Variants in MAU2 observed in about 807,000 individuals in gnomAD.
MAU2 encodes the protein MAU2 sister chromatid cohesion factor.
MAU2 carries 9 observed loss-of-function variants against 89.1 expected under a neutral mutation model. The ratio of observed to expected loss-of-function variants is 0.10; its 90% CI spans 0.06 to 0.18. The LOEUF (loss-of-function observed/expected upper bound fraction) is 0.18, where lower values mean the gene tolerates loss of function less well. Ranked by LOEUF, MAU2 falls within the 10% of genes least tolerant of loss-of-function variation. The probability of loss-of-function intolerance (pLI) is 1.00; values close to 1 mark genes in which losing one functional copy is unlikely to be tolerated. For synonymous variants in MAU2, 357 were observed against 343.4 expected, an observed-to-expected ratio of 1.04 and a Z score of -0.44; for missense variants, 425 against 803.5, an observed-to-expected ratio of 0.53 and a Z score of 5.69.
Position 19,320,898 on chromosome 19 carries a change from G to A in MAU2, c.39G>A (p.Ala13=). ...CGGCGGCAGCGGCCCAGGCGGCGGC[G>A]GCCCAGGCTGCGCAGGCCGAGGCGG... ...AQAAAAAQAA[A]AQAAQAEAAD... is the part of the protein sequence containing the mutation. The change falls in exon 1 of 19, where the codon GCG becomes GCA. Residue 13 remains alanine, a synonymous_variant. Coordinates refer to ENST00000262815, the MANE Select transcript of MAU2 (RefSeq NM_015329.4). 2 of 1,541,074 alleles carry A rather than the reference G, an allele frequency of 1.3e-6. No homozygotes were observed. Among genetic ancestry groups the A allele is most frequent in the Non-Finnish European group, 1.7e-6 (2 of 1,145,852 alleles).
intron 5 of MAU2, among the ~76,000 whole-genome samples, chr19:19,339,890 C>T (rs1455975198): frequency 4.6e-5 from 7 of 151,610 alleles, no homozygotes; most frequent in East Asian, 2.0e-4. Context: ...CAGGCATGGC[C>T]GGGCGCAGTG....
rs759843129 is a variant in MAU2 at position 19,348,914 on chromosome 19, A to T, written c.1334A>T (p.Asn445Ile). The T allele has an allele frequency of 6.2e-7, 1 of 1,613,684 alleles. No individual in the cohort carries two copies. ...EVLYSLLERI[N>I]PDHSFPVSSH... ...CTCTACAGTCTGCTGGAGAGGATCA[A>T]CCCGGACCACAGCTTCCCTGTCAGG... The change falls in exon 14 of 19, where the codon AAC becomes ATC. Residue 445 changes from asparagine (N) to isoleucine (I), a missense_variant. By Grantham distance (149) the Asn-to-Ile change is moderately radical (BLOSUM62 -3). Transcript: ENST00000262815.
rs764515535 is a variant in MAU2 at position 19,358,451 on chromosome 19, G to A, written c.*2669G>A. On this transcript the variant is annotated 3_prime_UTR_variant, in exon 19 of 19. Transcript: ENST00000262815. ...CCCAGCCCCGTTTATCAGAAACACA[G>A]GCAAGGAAATTGGAACTGCCACCCA... The A allele has an allele frequency of 6.6e-6, 1 of 152,222 alleles. No homozygotes were observed. The highest frequency in any genetic ancestry group is 1.5e-5 in the Non-Finnish European group (1 of 68,036). 9.4% of individuals were successfully genotyped at this position (152,222 alleles called of 1,614,324 possible). A position where few individuals can be genotyped will look rare whatever the true frequency, so the allele number is the denominator to read the frequency against.
rs1367724609 is a variant in MAU2 at position 19,357,227 on chromosome 19, G to A, written c.*1445G>A. On this transcript the variant is annotated 3_prime_UTR_variant, in exon 19 of 19. Transcript: ENST00000262815. ...TGACATCAGCACCAGTGACAGGCTG[G>A]TCAGAGGGCGGGGCTGGTGAGGGTT... 1 of 152,314 alleles carries A rather than the reference G, an allele frequency of 6.6e-6. No homozygotes were observed. Among genetic ancestry groups the A allele is most frequent in the East Asian group, 1.9e-4 (1 of 5,192 alleles). 9.4% of individuals were successfully genotyped at this position (152,314 alleles called of 1,614,324 possible).
chr19:19,328,566 C>T (rs779962395), intron 1 of MAU2, among the ~76,000 whole-genome samples: 33 of 152,070 alleles, frequency 2.2e-4, no homozygotes, highest in African/African-American at 5.1e-4. Flanking sequence ...GGACTGCAGG[C>T]GCCCACCACC....
rs1469439859 is a variant in MAU2 at position 19,340,835 on chromosome 19, TTG to T, written c.552-9_552-8del. On this transcript the variant is annotated splice_polypyrimidine_tract_variant and intron_variant, in intron 5 of 18. Coordinates refer to ENST00000262815, the MANE Select transcript of MAU2 (RefSeq NM_015329.4). ...CCTGCTAGGACCTGACCCCTGCCTC[TTG>T]TTTTGCAGGGCGCTGTTCCTCCTCA... 21 of 1,613,122 alleles carry T rather than the reference TTG, an allele frequency of 1.3e-5. No individual in the cohort carries two copies. The highest frequency in any genetic ancestry group is 1.6e-5 in the Non-Finnish European group (19 of 1,179,738).
At chr19:19,349,110 C>T (rs754836635) in intron 14 of MAU2, 45 bp from the exon 15 acceptor site, 3 of 1,609,048 alleles carry the variant, frequency 1.9e-6, no homozygotes, top group South Asian at 2.2e-5. Context: ...TGTAAACCTG[C>T]TTCTCAAAAT....
chr19:19,320,975 C>T lies in MAU2; in HGVS notation c.116C>T (p.Ser39Phe). 1 of 1,605,208 alleles carries T rather than the reference C, an allele frequency of 6.2e-7. No homozygotes were observed. The highest frequency in any genetic ancestry group is 8.5e-7 in the Non-Finnish European group (1 of 1,175,930). Residue 39 changes from serine to phenylalanine, a missense_variant, in exon 1 of 19, where the codon TCC (serine) becomes TTC (phenylalanine). Transcript: ENST00000262815. Reference protein sequence around the residue: ...LLGFAEHFRTSSPPKIRLCVH... With the variant: ...LLGFAEHFRTFSPPKIRLCVH... ...GGCTTCGCTGAGCACTTCCGCACTTCCAGCCCGCCCAAAATCCGCCTGTGC... is the reference window on the plus strand; with the variant it reads ...GGCTTCGCTGAGCACTTCCGCACTTTCAGCCCGCCCAAAATCCGCCTGTGC...
At chr19:19,339,381 A>G (rs2061622152) in intron 5 of MAU2, among the ~76,000 whole-genome samples, 1 of 151,686 alleles carries the variant, frequency 6.6e-6, no homozygotes, top group Non-Finnish European at 1.5e-5. Flanking sequence ...CGGGAGGCAG[A>G]GGTTGCAGTG....
intron 16 of MAU2, chr19:19,354,122 C>G (rs1335634192): frequency 1.8e-6 from 1 of 569,538 alleles, no homozygotes; most frequent in Non-Finnish European, 3.2e-6. Context: ...TGGCCATGCC[C>G]CTGTGAGGGC....
intron 16 of MAU2, among the ~76,000 whole-genome samples, chr19:19,351,154 AT>A (rs150639595): frequency 0.033 from 5,035 of 151,942 alleles, 297 homozygotes; most frequent in African/African-American, 0.12. Flanking sequence ...GGCTCAAGTG[AT>A]CCTCCCACCT....
rs765397125 is a variant in MAU2, at chr19:19,320,849, T to C, written c.-11T>C. On this transcript the variant is annotated 5_prime_UTR_variant, in exon 1 of 19. Coordinates refer to ENST00000262815, the MANE Select transcript of MAU2 (RefSeq NM_015329.4). ...TCCCTGTGGCGGCGGCTTGTTGTTGTGGAGGCCAAAATGGCGGCTCAGGCG... is the reference window on the plus strand; with the variant it reads ...TCCCTGTGGCGGCGGCTTGTTGTTGCGGAGGCCAAAATGGCGGCTCAGGCG... The C allele has an allele frequency of 6.6e-7, 1 of 1,519,522 alleles. No homozygotes were observed. The allele number at this position is 1,519,522 out of a possible 1,614,324, so 94.1% of individuals were successfully genotyped here.
Position 19,355,245 on chromosome 19 carries a change from G to C in MAU2, c.1640-19G>C. The C allele has an allele frequency of 6.2e-7, 1 of 1,613,468 alleles. No homozygotes were observed. Among genetic ancestry groups the C allele is most frequent in the Non-Finnish European group, 8.5e-7 (1 of 1,179,886 alleles). On this transcript the variant is annotated intron_variant, in intron 17 of 18. Coordinates refer to ENST00000262815, the MANE Select transcript of MAU2 (RefSeq NM_015329.4). ...GTGACAGGGCAAGGCGGGCCCCCAT[G>C]CTCATGTCCCACTCTCAGACCTGAA...
chr19:19,321,583 C>T (rs917048218), intron 1 of MAU2: 3 of 155,712 alleles, frequency 1.9e-5, no homozygotes, highest in African/African-American at 7.2e-5. Flanking sequence ...GAAGGCGAGA[C>T]CCCTGGCATT....
In MAU2 at chr19:19,320,921, C is replaced by T. The variant is rs768791202; in HGVS notation, c.62C>T (p.Ala21Val). The T allele has an allele frequency of 9.6e-6, 15 of 1,560,140 alleles. No homozygotes were observed. In the South Asian group the frequency reaches 1.1e-4, roughly 11 times the overall value. ...AAAAQAAQAEAADSWYLALLG... is the reference protein window; with the variant it reads ...AAAAQAAQAEVADSWYLALLG... ...GCGGCCCAGGCTGCGCAGGCCGAGG[C>T]GGCCGACTCGTGGTACCTGGCGCTT... Residue 21 changes from alanine to valine, a missense_variant, in exon 1 of 19, where the codon GCG becomes GTG. Transcript: ENST00000262815.
At position 19,345,700 on chromosome 19, in the gene MAU2, TG is replaced by T. The variant is rs2061687777; in HGVS notation, c.1221+332del. On this transcript the variant is annotated intron_variant, in intron 12 of 18. Coordinates refer to ENST00000262815, the MANE Select transcript of MAU2 (RefSeq NM_015329.4). This position sits in a 1 kb window ranked among gnomAD's most constrained non-coding sequence, Gnocchi z 4.9. ...AGGCTGGATTGGCTCAAGTGTCAGC[TG>T]ACAACTCAGAGCCATCCTGGGTTCA... Among the ~76,000 whole-genome samples the T allele has an allele frequency of 6.6e-6, 1 of 152,164 alleles. No individual in the cohort carries two copies. Among genetic ancestry groups the T allele is most frequent in the Admixed American group, 6.5e-5 (1 of 15,284 alleles).
intron 1 of MAU2, among the ~76,000 whole-genome samples, chr19:19,332,752 C>T (rs1005352244): frequency 3.3e-5 from 5 of 152,136 alleles, no homozygotes; most frequent in East Asian, 3.9e-4. Flanking sequence ...GAGGCGAGCC[C>T]GTTAGCAGCA....
In MAU2 at chr19:19,356,163, C is replaced by G. The variant is rs1217872095; in HGVS notation, c.*381C>G. The G allele has an allele frequency of 4.7e-6, 2 of 426,904 alleles. No homozygotes were observed. The highest frequency in any genetic ancestry group is 9.3e-6 in the Non-Finnish European group (2 of 214,336). 26.4% of individuals were successfully genotyped at this position (426,904 alleles called of 1,614,324 possible). ...CCCCAGGGGCACCACGCCTGACTCT[C>G]CATCACCCAGGCCTTGATGCCGAGC... On this transcript the variant is annotated 3_prime_UTR_variant, in exon 19 of 19. Coordinates refer to ENST00000262815, the MANE Select transcript of MAU2 (RefSeq NM_015329.4).
At chr19:19,344,454 CTT>C (rs1313534912) in intron 10 of MAU2, 1 of 270,390 alleles carries the variant, frequency 3.7e-6, no homozygotes, top group Non-Finnish European at 7.1e-6. Flanking sequence ...GGCCCAAAAG[CTT>C]GCACACCAAG....
Sources: gnomAD v4.1 joint callset for allele counts (sites outside exome capture counted in the v4.1 genomes callset) on GRCh38, gnomAD v4.1.1 for gene constraint, Gnocchi (gnomAD v3.1) non-coding constraint, MANE v1.5 for transcripts, NCBI Gene and HGNC (gene_info 2026-07-23, HGNC 2026-07-21) for gene names.